Variants in MROH1 observed in about 807,000 individuals in gnomAD.
MROH1 encodes maestro heat-like repeat-containing protein family member 1.
Under a neutral mutation model 116.5 loss-of-function variants are expected in MROH1, and 117 were observed. That is an observed-to-expected ratio of 1.00 (90% confidence interval 0.86 to 1.17). MROH1 has a LOEUF of 1.17. Ranked by LOEUF, MROH1 falls within the 50% of genes most tolerant of loss-of-function variation. The pLI, the probability that MROH1 is intolerant of heterozygous loss-of-function variation, is 0.00. For synonymous variants in MROH1, 921 were observed against 583.9 expected, an observed-to-expected ratio of 1.58 and a Z score of -8.32; for missense variants, 1,873 against 1,338.5, an observed-to-expected ratio of 1.40 and a Z score of -6.23.
chr8:144,261,179 C>T lies in MROH1; in HGVS notation c.4737C>T (p.Ser1579=). ...CCTGCCTGTTCTACTTCAAGAGCAG[C>T]TGGGAGAACGTCCGAGCTGCTGCAC... ...LTTCLFYFKS[S]WENVRAAAPL... is the part of the protein sequence containing the mutation. The change falls in exon 42 of 44, where the codon AGC becomes AGT. Residue 1579 remains serine, a synonymous_variant. Transcript: ENST00000326134. 2.6e-6 allele frequency: 2 copies of T among 769,246 alleles called. No individual in the cohort carries two copies. The highest frequency in any genetic ancestry group is 2.7e-5 in the South Asian group (2 of 74,560). 47.7% of individuals were successfully genotyped at this position (769,246 alleles called of 1,614,324 possible).
chr8:144,241,210 G>C (rs2132911252), intron 21 of MROH1, 99 bp downstream of exon 21: 1 of 700,294 alleles, frequency 1.4e-6, no homozygotes, highest in African/African-American at 1.8e-5. Context: ...GTGTGCCTGT[G>C]TGTGCGTGTG....
intron 12 of MROH1, among the ~76,000 whole-genome samples, chr8:144,206,863 T>C (rs971849120): frequency 6.6e-6 from 1 of 151,460 alleles, no homozygotes; most frequent in African/African-American, 2.4e-5. Context: ...TGAAACCCTC[T>C]CTCTACTAAA....
chr8:144,212,709 C>T (rs578099785), intron 12 of MROH1, among the ~76,000 whole-genome samples: 4 of 151,522 alleles, frequency 2.6e-5, no homozygotes, highest in Admixed American at 1.3e-4. Flanking sequence ...CATGCCCCAG[C>T]CTCCCTACTA....
chr8:144,224,878 T>C (rs1158642557), intron 14 of MROH1, among the ~76,000 whole-genome samples: 1 of 152,118 alleles, frequency 6.6e-6, no homozygotes, highest in African/African-American at 2.4e-5. Flanking sequence ...GCAGGGCCAC[T>C]GGGGAGGAGA....
Position 144,255,719 on chromosome 8 carries a change from C to T in MROH1, c.3791+14C>T. On this transcript the variant is annotated intron_variant, in intron 35 of 43. Transcript: ENST00000326134. Reference sequence around the variant, plus strand: ...GGAACCCTGCAGGTATCTGGGTCCCCACTTCCCACCTCCAGTACTGATTCG... The same window carrying T: ...GGAACCCTGCAGGTATCTGGGTCCCTACTTCCCACCTCCAGTACTGATTCG... 2.7e-6 allele frequency: 2 copies of T among 743,164 alleles called. No individual in the cohort carries two copies. Among genetic ancestry groups the T allele is most frequent in the Non-Finnish European group, 5.0e-6 (2 of 399,696 alleles). The allele number at this position is 743,164 out of a possible 1,614,324, so 46.0% of individuals were successfully genotyped here. A position where few individuals can be genotyped will look rare whatever the true frequency, so the allele number is the denominator to read the frequency against.
At position 144,245,252 on chromosome 8, in the gene MROH1, C is replaced by T. The variant is rs2133026352; in HGVS notation, c.2863C>T (p.Arg955Cys). Residue 955 changes from arginine to cysteine, a missense_variant, in exon 29 of 44, where the codon CGT becomes TGT. Transcript: ENST00000326134. ...LLLRYFLEHL[R>C]VSALVPFHNL... is the part of the protein sequence containing the mutation. ...GCTGCGCTACTTCCTGGAGCACCTG[C>T]GTGTCAGCGTGAGTACCTGGGTCCC... The T allele has an allele frequency of 1.0e-5, 8 of 777,666 alleles. No homozygotes were observed. In the East Asian group the frequency reaches 1.2e-4, roughly 12 times the overall value. The allele number at this position is 777,666 out of a possible 1,614,324, so 48.2% of individuals were successfully genotyped here. A position where few individuals can be genotyped will look rare whatever the true frequency, so the allele number is the denominator to read the frequency against.
chr8:144,149,865 C>T (rs1310212479), intron 1 of MROH1, among the ~76,000 whole-genome samples: 4 of 151,964 alleles, frequency 2.6e-5, no homozygotes, highest in Non-Finnish European at 5.9e-5. Flanking sequence ...ACCATGTTCT[C>T]GGTGGACTGT....
intron 12 of MROH1, among the ~76,000 whole-genome samples, chr8:144,207,146 A>G (rs1336093736): frequency 6.7e-6 from 1 of 148,992 alleles, no homozygotes; most frequent in Non-Finnish European, 1.5e-5. Flanking sequence ...TTGCGTATAT[A>G]TGTTGAAGTT....
intron 1 of MROH1, among the ~76,000 whole-genome samples, chr8:144,151,025 A>C (rs1339333349): frequency 1.3e-5 from 2 of 152,058 alleles, no homozygotes; most frequent in Non-Finnish European, 2.9e-5. Flanking sequence ...AGGCAGGCGG[A>C]TCACTTGAGG....
chr8:144,249,269 G>C (rs1429438875), intron 32 of MROH1, among the ~76,000 whole-genome samples: 2 of 152,172 alleles, frequency 1.3e-5, no homozygotes, highest in East Asian at 3.9e-4. Flanking sequence ...TATGTCTGAA[G>C]ACAGGGGTTA....
chr8:144,165,797 G>C (rs548684904), intron 3 of MROH1, among the ~76,000 whole-genome samples: 1 of 146,912 alleles, frequency 6.8e-6, no homozygotes, highest in Non-Finnish European at 1.5e-5. Context: ...TGGCCAGGCT[G>C]GTCTCAAACT....
intron 12 of MROH1, among the ~76,000 whole-genome samples, chr8:144,211,950 A>T (rs1409344792): frequency 1.3e-5 from 2 of 152,184 alleles, no homozygotes; most frequent in Non-Finnish European, 2.9e-5. Context: ...TCCCTCTGAT[A>T]CGGCCCTGCT....
intron 14 of MROH1, among the ~76,000 whole-genome samples, chr8:144,233,730 C>T (rs1165360811): frequency 1.3e-5 from 2 of 152,196 alleles, no homozygotes; most frequent in African/African-American, 4.8e-5. Context: ...AGTGCTTATC[C>T]CACTTGTCCC....
chr8:144,256,007 T>C (rs1843691613), intron 35 of MROH1, among the ~76,000 whole-genome samples: 3 of 152,124 alleles, frequency 2.0e-5, no homozygotes, highest in African/African-American at 7.2e-5. Flanking sequence ...AGGATCCGGG[T>C]GGTGCCTTCT....
At chr8:144,246,111 C>T (rs28580270) in intron 29 of MROH1, among the ~76,000 whole-genome samples, 1 of 128,600 alleles carries the variant, frequency 7.8e-6, no homozygotes, top group African/African-American at 2.9e-5. Context: ...TCCTTTCTTT[C>T]CTTTCTTTCC....
At chr8:144,185,914 G>A (rs1279959996) in intron 7 of MROH1, among the ~76,000 whole-genome samples, 1 of 148,664 alleles carries the variant, frequency 6.7e-6, no homozygotes, top group African/African-American at 2.5e-5. Flanking sequence ...GGGGGGCGGC[G>A]AGGGGCGACG....
At chr8:144,256,140 G>C (rs571278940) in intron 35 of MROH1, among the ~76,000 whole-genome samples, 7 of 152,154 alleles carry the variant, frequency 4.6e-5, no homozygotes, top group Non-Finnish European at 7.4e-5. Flanking sequence ...AGCCCCACAC[G>C]TAAGAGCTGC....
At chr8:144,171,269 C>A (rs1009425294) in intron 4 of MROH1, among the ~76,000 whole-genome samples, 10 of 152,220 alleles carry the variant, frequency 6.6e-5, no homozygotes, top group African/African-American at 2.4e-4. Context: ...TGATGAATTG[C>A]AGCAGTGGCT....
chr8:144,236,170 A>G (rs1840001706), intron 14 of MROH1, among the ~76,000 whole-genome samples: 1 of 152,112 alleles, frequency 6.6e-6, no homozygotes, highest in African/African-American at 2.4e-5. Flanking sequence ...GAGACCAGTT[A>G]TTTTGTTGAA....
Sources: allele counts gnomAD v4.1 joint callset (sites outside exome capture counted in the v4.1 genomes callset), GRCh38; gene constraint gnomAD v4.1.1; transcripts MANE v1.5; gene names NCBI Gene and HGNC (gene_info 2026-07-23, HGNC 2026-07-21).